Variants in XPO7 observed in about 807,000 individuals in gnomAD.
XPO7 encodes exportin 7, also known as exportin-7.
A neutral mutation model predicts 144.3 loss-of-function variants in XPO7; 21 were observed. The ratio of observed to expected loss-of-function variants is 0.15; its 90% CI spans 0.10 to 0.21. The LOEUF is 0.21. XPO7 is among the 10% of genes least tolerant of loss of function. XPO7 has a pLI of 1.00. For synonymous variants in XPO7, 580 were observed against 499.6 expected (o/e 1.16, Z -2.15); for missense variants, 808 against 1,325.8 (o/e 0.61, Z 6.06).
chr8:21,999,152 G>A lies in XPO7; in HGVS notation c.2490G>A (p.Lys830=). The change falls in exon 23 of 28, where the codon AAG becomes AAA. Residue 830 remains lysine, a synonymous_variant. Coordinates refer to ENST00000252512, the MANE Select transcript of XPO7 (RefSeq NM_015024.5). ...PKDQVYALKL[K]GISICFSMLK... ...ATCAGGTCTATGCTCTGAAGCTCAA[G>A]GGCATCTCCATCTGCTTCTCCATGC... The A allele has an allele frequency of 6.2e-7, 1 of 1,613,946 alleles. No individual in the cohort carries two copies.
intron 25 of XPO7, 42 bp from the exon 26 acceptor site, chr8:22,003,177 A>G (rs1585488406): frequency 2.0e-6 from 3 of 1,511,444 alleles, no homozygotes; most frequent in South Asian, 1.2e-5. Flanking sequence ...TTGGGTAGCA[A>G]TACATTAGGT....
In XPO7 at chr8:21,937,342, T is replaced by C. The variant is rs569111084; in HGVS notation, c.18+17554T>C. Among the ~76,000 whole-genome samples, 3 of 152,334 alleles carry C rather than the reference T, an allele frequency of 2.0e-5. No homozygotes were observed. In the South Asian group the frequency reaches 6.2e-4, roughly 32 times the overall value. ...CATCTTGATCTGTTATGTTTCAGGC[T>C]GAAGCACTTTTAATGTCTTACGGTA... is the stretch of plus-strand genomic sequence containing the variant. On this transcript the variant is annotated intron_variant, in intron 1 of 27. Coordinates refer to ENST00000252512, the MANE Select transcript of XPO7 (RefSeq NM_015024.5).
chr8:21,987,991 A>T, intron 15 of XPO7, 134 bp downstream of exon 15: 2 of 931,316 alleles, frequency 2.1e-6, no homozygotes, highest in Admixed American at 2.5e-5. Context: ...TGTGCATTTG[A>T]GTGTGTGACA....
chr8:21,977,841 C>T lies in XPO7; in HGVS notation c.835C>T (p.Leu279=), dbSNP rs754662905. The T allele has an allele frequency of 1.2e-6, 2 of 1,613,276 alleles. No individual in the cohort carries two copies. The highest frequency in any genetic ancestry group is 1.3e-5 in the African/African-American group (1 of 74,926). The change falls in exon 8 of 28, where the codon CTG becomes TTG. Residue 279 remains leucine, a splice_region_variant and synonymous_variant. Coordinates refer to ENST00000252512, the MANE Select transcript of XPO7 (RefSeq NM_015024.5). ...TTCCATCCCTCCTTCATTTTCACCTCTGGTGAGTCAGGACTACCGTTTCTT... is the reference window on the plus strand; with the variant it reads ...TTCCATCCCTCCTTCATTTTCACCTTTGGTGAGTCAGGACTACCGTTTCTT... The part of the protein sequence containing the change: ...YHSIPPSFSP[L]VLSCLVQIAS...
Position 21,970,259 on chromosome 8 carries a change from G to A in XPO7, c.375G>A (p.Lys125=), listed in dbSNP as rs1469978349. ...ITKLGWFDCQ[K]DDYVFRNAIT... is the part of the protein sequence containing the mutation. ...AACTGGGCTGGTTTGACTGTCAGAAGGATGACTATGTCTTCAGAAATGCAA... is the reference window on the plus strand; with the variant it reads ...AACTGGGCTGGTTTGACTGTCAGAAAGATGACTATGTCTTCAGAAATGCAA... The change falls in exon 4 of 28, where the codon AAG becomes AAA. Residue 125 remains lysine (K), a synonymous_variant. Transcript: ENST00000252512. The A allele has an allele frequency of 1.9e-6, 3 of 1,613,522 alleles. No homozygotes were observed. Among genetic ancestry groups the A allele is most frequent in the Admixed American group, 1.7e-5 (1 of 59,972 alleles).
chr8:21,973,260 C>T (rs1672357341), intron 5 of XPO7, among the ~76,000 whole-genome samples: 6 of 152,152 alleles, frequency 3.9e-5, no homozygotes, highest in Admixed American at 3.9e-4. Flanking sequence ...AATGTTTTCC[C>T]CTTTGAAGCT....
At chr8:21,930,688 AT>A (rs1810615238) in intron 1 of XPO7, among the ~76,000 whole-genome samples, 5 of 152,228 alleles carry the variant, frequency 3.3e-5, no homozygotes, top group Non-Finnish European at 7.3e-5. Flanking sequence ...TTGTAGCATA[AT>A]AATTGTACCG....
intron 11 of XPO7, 66 bp downstream of exon 11, chr8:21,982,878 ACACCCCATTGG>A: frequency 1.3e-6 from 2 of 1,514,108 alleles, no homozygotes; most frequent in Non-Finnish European, 8.8e-7. Context: ...TAGAGATCAG[ACACCCCATTGG>A]CAAAGAGGTA....
intron 1 of XPO7, among the ~76,000 whole-genome samples, chr8:21,963,242 T>C (rs1811781021): frequency 6.6e-6 from 1 of 152,228 alleles, no homozygotes; most frequent in African/African-American, 2.4e-5. Context: ...GAATGTGCTC[T>C]TCAGAACACC....
rs372197856 is a variant in XPO7 at position 21,995,554 on chromosome 8, G to T, written c.2300G>T (p.Cys767Phe). 1 of 1,609,598 alleles carries T rather than the reference G, an allele frequency of 6.2e-7. No homozygotes were observed. The highest frequency in any genetic ancestry group is 8.5e-7 in the Non-Finnish European group (1 of 1,177,876). Reference sequence around the variant, plus strand: ...GAGCTCTGGTACCATGATCCAGCCTGTACTACACCTGTACTCAAGTTGATG... The same window carrying T: ...GAGCTCTGGTACCATGATCCAGCCTTTACTACACCTGTACTCAAGTTGATG... ...AIELWYHDPA[C>F]TTPVLKLMAE... Residue 767 changes from cysteine (C) to phenylalanine (F), a missense_variant, in exon 21 of 28, where the codon TGT becomes TTT. Physicochemically the swap from Cys to Phe is radical, Grantham distance 205. This residue lies in a region of XPO7 where 416 missense variants were observed against 612.5 expected (regional missense o/e 0.68). Transcript: ENST00000252512.
intron 7 of XPO7, 114 bp downstream of exon 7, chr8:21,976,635 A>G: frequency 8.0e-7 from 1 of 1,249,052 alleles, no homozygotes; most frequent in Non-Finnish European, 1.1e-6. Context: ...GAATTGAGAA[A>G]AAATTCTAAC....
chr8:21,937,882 A>G (rs1810870751), intron 1 of XPO7, among the ~76,000 whole-genome samples: 1 of 152,230 alleles, frequency 6.6e-6, no homozygotes, highest in South Asian at 2.1e-4. Flanking sequence ...TAATTTATAA[A>G]GTAGATACAA....
rs1485471341 is a variant in XPO7, at chr8:22,003,308, T to A, written c.3033T>A (p.Leu1011=). 6.2e-7 allele frequency: 1 copy of A among 1,609,766 alleles called. No individual in the cohort carries two copies. Among genetic ancestry groups the A allele is most frequent in the Non-Finnish European group, 8.5e-7 (1 of 1,178,116 alleles). Residue 1011 remains leucine, a synonymous_variant, in exon 26 of 28, where the codon CTT becomes CTA. Coordinates refer to ENST00000252512, the MANE Select transcript of XPO7 (RefSeq NM_015024.5). ...GACCACTACTTGGCTTGATATTGCT[T>A]AATGAAAAGGTGAGAGAGCCAGCTC... ...MSRPLLGLIL[L]NEKYFSDLRN...
intron 2 of XPO7, among the ~76,000 whole-genome samples, chr8:21,968,764 C>T (rs1409294159): frequency 1.3e-5 from 2 of 152,180 alleles, no homozygotes; most frequent in Admixed American, 6.5e-5. Flanking sequence ...TGTTTTATGG[C>T]ATTGTATATA....
intron 20 of XPO7, 36 bp downstream of exon 20, chr8:21,994,487 G>C (rs1025549837): frequency 3.8e-6 from 6 of 1,567,822 alleles, no homozygotes; most frequent in African/African-American, 2.7e-5. Context: ...ACTACAGCCT[G>C]CCTTAACTGG....
intron 25 of XPO7, 21 bp downstream of exon 25, chr8:22,002,293 G>A (rs1161638330): frequency 1.2e-6 from 2 of 1,608,630 alleles, no homozygotes; most frequent in Non-Finnish European, 1.7e-6. Flanking sequence ...GGAGGCTTAG[G>A]AGGCAGTGAT....
intron 1 of XPO7, among the ~76,000 whole-genome samples, chr8:21,961,105 C>G (rs1449848683): frequency 6.6e-6 from 1 of 151,878 alleles, no homozygotes; most frequent in African/African-American, 2.4e-5. Context: ...ATTTGGCTTT[C>G]TATTTGGGAA....
At chr8:22,002,463 G>C (rs550977434) in intron 25 of XPO7, among the ~76,000 whole-genome samples, 191 bp downstream of exon 25, 1 of 152,304 alleles carries the variant, frequency 6.6e-6, no homozygotes, top group East Asian at 1.9e-4. Context: ...AAAACGCTCA[G>C]GTTCTGGATT....
chr8:21,988,248 G>C, intron 15 of XPO7: 1 of 188,640 alleles, frequency 5.3e-6, no homozygotes, highest in Non-Finnish European at 1.1e-5. Context: ...TTATCCCCTC[G>C]AAGGGGAAAG....
Sources: allele counts gnomAD v4.1 joint callset (sites outside exome capture counted in the v4.1 genomes callset), GRCh38; gene constraint gnomAD v4.1.1; regional missense constraint gnomAD v4.1.1; transcripts MANE v1.5; gene names NCBI Gene and HGNC (gene_info 2026-07-23, HGNC 2026-07-21).